KLRG1: variants seen among roughly 807,000 people sequenced by gnomAD.
KLRG1 encodes killer cell lectin-like receptor subfamily G member 1.
A neutral mutation model predicts 21.8 loss-of-function variants in KLRG1; 16 were observed. That is an observed-to-expected ratio of 0.73 (90% CI 0.50 to 1.11). KLRG1 has a LOEUF of 1.11. KLRG1 is among the 50% of genes most tolerant of loss of function. KLRG1 has a pLI of 0.00. For synonymous variants in KLRG1, 69 were observed against 75.9 expected (o/e 0.91, Z 0.47); for missense variants, 173 against 218.3 (o/e 0.79, Z 1.31).
At chr12:9,101,457 A>G in the KLRG1 span, 1 of 1,613,288 alleles carries the variant, frequency 6.2e-7, no homozygotes, top group South Asian at 1.1e-5. Context: ...CAGATAATAG[A>G]AGGAGAGCTT....
At chr12:9,199,320 A>G in the KLRG1 span, among the ~76,000 whole-genome samples, 2 of 152,120 alleles carry the variant, frequency 1.3e-5, no homozygotes, top group Non-Finnish European at 2.9e-5. Context: ...TTTTTAGTCC[A>G]TCGTATCAGC....
At chr12:9,033,436 C>T in the KLRG1 span, among the ~76,000 whole-genome samples, 1 of 150,432 alleles carries the variant, frequency 6.6e-6, no homozygotes, top group Non-Finnish European at 1.5e-5. Flanking sequence ...CAGAATGAGA[C>T]TCTTTAAAAA....
At chr12:8,992,086 G>T (rs913049628) in intron 1 of KLRG1, 120 bp from the exon 2 acceptor site, 2 of 720,628 alleles carry the variant, frequency 2.8e-6, no homozygotes, top group Admixed American at 2.6e-5. Context: ...AATCTTTATG[G>T]CCTGGATCTC....
chr12:8,993,566 G>T (rs1947042507), intron 2 of KLRG1, among the ~76,000 whole-genome samples: 2 of 152,152 alleles, frequency 1.3e-5, no homozygotes, highest in African/African-American at 4.8e-5. Flanking sequence ...GGGATTACAG[G>T]TGTGAGCCAT....
the KLRG1 span, among the ~76,000 whole-genome samples, chr12:9,193,410 T>G: frequency 6.6e-6 from 1 of 152,180 alleles, no homozygotes; most frequent in South Asian, 2.1e-4. Flanking sequence ...CATAAACACA[T>G]CATACTAATA....
intron 1 of KLRG1, among the ~76,000 whole-genome samples, chr12:8,966,018 C>A (rs1310260584): frequency 2.0e-5 from 3 of 152,100 alleles, no homozygotes; most frequent in Non-Finnish European, 4.4e-5. Flanking sequence ...GAACAGAGCC[C>A]TCAGAGATAA....
At chr12:9,147,935 C>T in the KLRG1 span, among the ~76,000 whole-genome samples, 1 of 151,806 alleles carries the variant, frequency 6.6e-6, no homozygotes, top group African/African-American at 2.4e-5. Flanking sequence ...TTTTTTCTCC[C>T]ACACTACATT....
the KLRG1 span, chr12:9,160,631 C>G: frequency 1.3e-6 from 1 of 795,014 alleles, no homozygotes; most frequent in Non-Finnish European, 2.0e-6. Flanking sequence ...CTTCCAGAAT[C>G]CTAATAAGAA....
chr12:9,130,164 G>A, the KLRG1 span, among the ~76,000 whole-genome samples: 1 of 152,020 alleles, frequency 6.6e-6, no homozygotes, highest in Non-Finnish European at 1.5e-5. Context: ...TCTTTTTAAG[G>A]CTGAATAATA....
At chr12:9,008,309 T>C (rs1368960267) in intron 3 of KLRG1, among the ~76,000 whole-genome samples, 1 of 152,214 alleles carries the variant, frequency 6.6e-6, no homozygotes, top group Non-Finnish European at 1.5e-5. Flanking sequence ...TCCCTTTAAT[T>C]AAGGAGAAAA....
the KLRG1 span, among the ~76,000 whole-genome samples, chr12:9,063,808 T>G: frequency 2.0e-5 from 3 of 152,216 alleles, no homozygotes; most frequent in East Asian, 1.9e-4. Context: ...TGTTTAATTT[T>G]GTATTATAGC....
the KLRG1 span, among the ~76,000 whole-genome samples, chr12:9,197,541 G>A: frequency 8.6e-6 from 1 of 116,536 alleles, no homozygotes; most frequent in African/African-American, 3.4e-5. Flanking sequence ...AATTATTAGA[G>A]TACTGATTAA....
chr12:8,995,045 C>A, intron 2 of KLRG1, 74 bp from the exon 3 acceptor site: 1 of 1,386,094 alleles, frequency 7.2e-7, no homozygotes, highest in Non-Finnish European at 9.8e-7. Flanking sequence ...CTGCCATATT[C>A]CATTTTATCT....
the KLRG1 span, chr12:9,028,138 G>C: frequency 1.5e-6 from 1 of 681,766 alleles, no homozygotes; most frequent in Non-Finnish European, 2.5e-6. Flanking sequence ...CTTCAGTGTC[G>C]TCGTCTTCTT....
intron 1 of KLRG1, among the ~76,000 whole-genome samples, chr12:8,955,631 A>G (rs988980408): frequency 1.3e-5 from 2 of 151,066 alleles, no homozygotes; most frequent in African/African-American, 4.9e-5. Context: ...GGTTTGAGTA[A>G]TCTTTCCACC....
the KLRG1 span, chr12:9,169,361 T>C: frequency 7.3e-7 from 1 of 1,369,948 alleles, no homozygotes; most frequent in African/African-American, 1.5e-5. Flanking sequence ...AGATTATGAA[T>C]AGATACAGAG....
At chr12:8,967,483 A>C (rs1486913188) in intron 1 of KLRG1, among the ~76,000 whole-genome samples, 4 of 152,190 alleles carry the variant, frequency 2.6e-5, no homozygotes, top group African/African-American at 9.7e-5. Flanking sequence ...GCACTTTGGG[A>C]AGCTGAGGCA....
intron 1 of KLRG1, among the ~76,000 whole-genome samples, chr12:8,961,491 C>A (rs897064223): frequency 6.6e-6 from 1 of 152,184 alleles, no homozygotes; most frequent in African/African-American, 2.4e-5. Flanking sequence ...CAGCTCACTG[C>A]AACCTCCATC....
At chr12:8,994,991 C>T in intron 2 of KLRG1, 128 bp from the exon 3 acceptor site, 1 of 748,680 alleles carries the variant, frequency 1.3e-6, no homozygotes. Context: ...ACACATTTCT[C>T]TAACCCTTAA....
Sources: gnomAD v4.1 joint callset for allele counts (sites outside exome capture counted in the v4.1 genomes callset) on GRCh38, gnomAD v4.1.1 for gene constraint, MANE v1.5 for transcripts, NCBI Gene and HGNC (gene_info 2026-07-23, HGNC 2026-07-21) for gene names.